ANKMY1: variants seen among roughly 807,000 people sequenced by gnomAD.
ANKMY1 encodes ankyrin repeat and MYND domain-containing protein 1.
A neutral mutation model predicts 102.0 loss-of-function variants in ANKMY1; 98 were observed. That is an observed-to-expected ratio of 0.96 (90% CI 0.82 to 1.14). The LOEUF (loss-of-function observed/expected upper bound fraction) is 1.14. Ranked by LOEUF, ANKMY1 falls within the 50% of genes most tolerant of loss-of-function variation. ANKMY1 has a pLI of 0.00. For synonymous variants in ANKMY1, 582 were observed against 559.9 expected (o/e 1.04, Z -0.56); for missense variants, 1,330 against 1,347.6 (o/e 0.99, Z 0.20).
rs2080457830 is a variant in ANKMY1, at chr2:240,512,734, G to T, written c.2145+68C>A. The T allele has an allele frequency of 7.9e-6, 12 of 1,527,220 alleles. No homozygotes were observed. The South Asian group carries it at 1.5e-4, about 20-fold the overall frequency. The allele number at this position is 1,527,220 out of a possible 1,614,324, so 94.6% of individuals were successfully genotyped here. On this transcript the variant is annotated intron_variant, in intron 10 of 17. Coordinates refer to ENST00000401804, the MANE Select transcript of ANKMY1 (RefSeq NM_001282771.3). The stretch of plus-strand genomic sequence containing the variant: ...GCTCGGCAAGCACAGGCTAGGCAGA[G>T]TGTGTGAATCCATCCAGGCACACCT...
intron 9 of ANKMY1, among the ~76,000 whole-genome samples, chr2:240,513,591 G>C (rs2080652828): frequency 6.6e-6 from 1 of 152,274 alleles, no homozygotes; most frequent in Non-Finnish European, 1.5e-5. Flanking sequence ...AGACAGGTGA[G>C]CCTGGATGGT....
chr2:240,552,799 A>T, intron 4 of ANKMY1, 115 bp downstream of exon 4: 1 of 1,503,928 alleles, frequency 6.6e-7, no homozygotes, highest in Non-Finnish European at 9.1e-7. Context: ...AAAAGTAAAA[A>T]AGCTACTTGT....
intron 2 of ANKMY1, 112 bp from the exon 3 acceptor site, chr2:240,555,167 C>A: frequency 8.5e-7 from 1 of 1,181,350 alleles, no homozygotes; most frequent in Non-Finnish European, 1.2e-6. Flanking sequence ...CCCACAGTCC[C>A]GGGGCAGGTG....
upstream of ANKMY1, chr2:240,560,855 C>A: frequency 2.2e-6 from 3 of 1,392,324 alleles, no homozygotes; most frequent in Non-Finnish European, 9.2e-7. Context: ...AGCAGCCCGG[C>A]CCGCGCGCGC....
At chr2:240,498,194 G>A (rs2077522768) in intron 15 of ANKMY1, among the ~76,000 whole-genome samples, 1 of 147,272 alleles carries the variant, frequency 6.8e-6, no homozygotes, top group South Asian at 2.2e-4. Context: ...GTTGGGGGGG[G>A]ACATATGGGA....
chr2:240,524,204 C>T lies in ANKMY1; in HGVS notation c.1513G>A (p.Asp505Asn). Residue 505 changes from aspartate to asparagine, a missense_variant, in exon 8 of 18, where the codon GAC becomes AAC. Coordinates refer to ENST00000401804, the MANE Select transcript of ANKMY1 (RefSeq NM_001282771.3). ...ATGGACCCCCCACACTGCCCGGTGT[C>T]CTGGAAGTGGCCGCCCTCGTGGCTG... ...SGSHEGGHFQ[D>N]TGQCGGSIDH... 6.2e-7 allele frequency: 1 copy of T among 1,613,904 alleles called. No individual in the cohort carries two copies. Among genetic ancestry groups the T allele is most frequent in the Non-Finnish European group, 8.5e-7 (1 of 1,180,030 alleles).
intron 12 of ANKMY1, among the ~76,000 whole-genome samples, chr2:240,508,594 G>A (rs2079514673): frequency 6.6e-6 from 1 of 152,176 alleles, no homozygotes; most frequent in Admixed American, 6.5e-5. Context: ...TATAATACTT[G>A]TCATTTCCTG....
intron 6 of ANKMY1, 124 bp from the exon 7 acceptor site, chr2:240,525,973 G>T (rs893397225): frequency 4.7e-6 from 6 of 1,284,614 alleles, no homozygotes; most frequent in Non-Finnish European, 6.5e-6. Flanking sequence ...GTGCTCATTC[G>T]GGAGCTTGGC....
At chr2:240,516,072 T>C (rs2081150933) in intron 9 of ANKMY1, among the ~76,000 whole-genome samples, 1 of 151,850 alleles carries the variant, frequency 6.6e-6, no homozygotes, top group Non-Finnish European at 1.5e-5. Flanking sequence ...ACAGATTCAG[T>C]TGGCCTCATG....
chr2:240,476,298 A>C (rs1045922116), downstream of ANKMY1, among the ~76,000 whole-genome samples: 1 of 152,156 alleles, frequency 6.6e-6, no homozygotes, highest in African/African-American at 2.4e-5. Context: ...CATGCAGAAG[A>C]GAGAAATTGG....
intron 9 of ANKMY1, among the ~76,000 whole-genome samples, chr2:240,515,879 G>A (rs984179314): frequency 6.9e-6 from 1 of 144,474 alleles, no homozygotes; most frequent in Non-Finnish European, 1.5e-5. Flanking sequence ...CACCATGCCC[G>A]GCTAATTTTT....
At chr2:240,534,760 C>T (rs575513906) in intron 4 of ANKMY1, among the ~76,000 whole-genome samples, 1 of 152,324 alleles carries the variant, frequency 6.6e-6, no homozygotes, top group South Asian at 2.1e-4. Context: ...GAGATTCTAA[C>T]ATACCTTTCT....
At position 240,499,509 on chromosome 2, in the gene ANKMY1, G is replaced by A. The variant is rs1397682741; in HGVS notation, c.2806+449C>T. On this transcript the variant is annotated intron_variant, in intron 15 of 17. Transcript: ENST00000401804. This position sits in a 1 kb window ranked among gnomAD's most constrained non-coding sequence, Gnocchi z 4.2. ...GGGGGAGTAGATGTCAGTAGGTACTGCGTTTGTGGAGTGGGTGCATGTGGG... is the reference window on the plus strand; with the variant it reads ...GGGGGAGTAGATGTCAGTAGGTACTACGTTTGTGGAGTGGGTGCATGTGGG... 6.6e-6 allele frequency among the ~76,000 whole-genome samples: 1 copy of A among 151,958 alleles called. No individual in the cohort carries two copies. The highest frequency in any genetic ancestry group is 1.5e-5 in the Non-Finnish European group (1 of 67,948).
At chr2:240,553,120 A>G (rs2091816955) in intron 3 of ANKMY1, 63 bp from the exon 4 acceptor site, 1 of 1,571,388 alleles carries the variant, frequency 6.4e-7, no homozygotes, top group Non-Finnish European at 8.7e-7. Flanking sequence ...GATGCCCTTG[A>G]GGCTGAGCCA....
intron 4 of ANKMY1, among the ~76,000 whole-genome samples, chr2:240,550,005 C>A (rs1404925107): frequency 1.3e-5 from 2 of 151,834 alleles, no homozygotes; most frequent in African/African-American, 4.8e-5. Context: ...ACCCAGCCAT[C>A]CCATTACCGG....
At chr2:240,474,396 C>T in the ANKMY1 span, among the ~76,000 whole-genome samples, 6 of 151,708 alleles carry the variant, frequency 4.0e-5, no homozygotes, top group South Asian at 2.1e-4. Context: ...CGTGAGCCAC[C>T]GCGCCAGGCC....
intron 15 of ANKMY1, among the ~76,000 whole-genome samples, chr2:240,497,052 G>A (rs940719551): frequency 1.3e-5 from 2 of 152,084 alleles, no homozygotes; most frequent in African/African-American, 2.4e-5. Flanking sequence ...GTAATTCTGA[G>A]TGCACCACTT....
rs1436596523 is a variant in ANKMY1 at position 240,520,736 on chromosome 2, GCA to G, written c.1833-205_1833-204del. Among the ~76,000 whole-genome samples, 2 of 149,626 alleles carry G rather than the reference GCA, an allele frequency of 1.3e-5. No individual in the cohort carries two copies. The highest frequency in any genetic ancestry group is 2.5e-5 in the African/African-American group (1 of 40,500). On this transcript the variant is annotated intron_variant, in intron 8 of 17. Transcript: ENST00000401804. The surrounding 1 kb of genome is among the most constrained non-coding windows in gnomAD (Gnocchi z 4.8). ...AACTACACACAAGCCACACCAGAGC[GCA>G]CACACACGGCACACACAGCACACCA...
chr2:240,489,031 A>T (rs1470062522), intron 15 of ANKMY1, among the ~76,000 whole-genome samples: 5 of 152,078 alleles, frequency 3.3e-5, no homozygotes, highest in Admixed American at 2.0e-4. Flanking sequence ...AAAGTGGGCA[A>T]CCTTGTCTTA....
Sources: gnomAD v4.1 joint callset for allele counts (sites outside exome capture counted in the v4.1 genomes callset) on GRCh38, gnomAD v4.1.1 for gene constraint, Gnocchi (gnomAD v3.1) non-coding constraint, MANE v1.5 for transcripts, NCBI Gene and HGNC (gene_info 2026-07-23, HGNC 2026-07-21) for gene names.